SNTB1: variants seen among roughly 807,000 people sequenced by gnomAD.
The protein encoded by SNTB1 is beta-1-syntrophin.
Under a neutral mutation model 48.9 loss-of-function variants are expected in SNTB1, and 36 were observed. The ratio of observed to expected loss-of-function variants is 0.74; its 90% CI spans 0.56 to 0.97. The LOEUF (loss-of-function observed/expected upper bound fraction) is 0.97. Ranked by LOEUF, SNTB1 falls within the 50% of genes least tolerant of loss-of-function variation. The pLI, the probability that SNTB1 is intolerant of heterozygous loss-of-function variation, is 0.00. For synonymous variants in SNTB1, 299 were observed against 294.6 expected (o/e 1.01, Z -0.15); for missense variants, 786 against 703.4 (o/e 1.12, Z -1.33).
chr8:120,675,655 T>G (rs1817821931), intron 2 of SNTB1, among the ~76,000 whole-genome samples: 1 of 152,138 alleles, frequency 6.6e-6, no homozygotes, highest in African/African-American at 2.4e-5. Flanking sequence ...CCAACATAAT[T>G]GTGGGAAGGC....
At chr8:120,630,638 C>T (rs148869720) in intron 3 of SNTB1, among the ~76,000 whole-genome samples, 177 of 152,278 alleles carry the variant, frequency 1.2e-3, no homozygotes, top group Admixed American at 1.7e-3. Flanking sequence ...TCCTTCTCTT[C>T]TACAGTAAAT....
At chr8:120,723,169 T>A (rs1377091002) in intron 1 of SNTB1, among the ~76,000 whole-genome samples, 1 of 152,198 alleles carries the variant, frequency 6.6e-6, no homozygotes, top group Non-Finnish European at 1.5e-5. Flanking sequence ...CCTTCCAATC[T>A]GATTATCTAA....
At chr8:120,670,420 G>A (rs1385091363) in intron 2 of SNTB1, among the ~76,000 whole-genome samples, 1 of 152,108 alleles carries the variant, frequency 6.6e-6, no homozygotes, top group African/African-American at 2.4e-5. Flanking sequence ...CAACAACTCT[G>A]GTCTTGAAGG....
intron 1 of SNTB1, among the ~76,000 whole-genome samples, chr8:120,725,727 A>G (rs1818742359): frequency 6.6e-6 from 1 of 152,184 alleles, no homozygotes; most frequent in South Asian, 2.1e-4. Context: ...GAAGTGTTCC[A>G]CCATACACAA....
chr8:120,808,895 GT>G (rs1048117442), intron 1 of SNTB1, among the ~76,000 whole-genome samples: 3 of 152,050 alleles, frequency 2.0e-5, no homozygotes, highest in African/African-American at 7.2e-5. Context: ...AGGAATCTAG[GT>G]TTTTTTAAAA....
At chr8:120,676,452 C>CT (rs1266862617) in intron 2 of SNTB1, among the ~76,000 whole-genome samples, 1 of 152,148 alleles carries the variant, frequency 6.6e-6, no homozygotes, top group African/African-American at 2.4e-5. Context: ...GGATTCAAAC[C>CT]TAGGTCCATC....
intron 1 of SNTB1, among the ~76,000 whole-genome samples, chr8:120,729,890 G>A (rs932512102): frequency 6.6e-6 from 1 of 152,190 alleles, no homozygotes; most frequent in East Asian, 1.9e-4. Flanking sequence ...GTGTGAGTTA[G>A]TGTACCAAGA....
At chr8:120,702,853 T>A (rs1053694824) in intron 1 of SNTB1, among the ~76,000 whole-genome samples, 3 of 152,172 alleles carry the variant, frequency 2.0e-5, no homozygotes, top group African/African-American at 7.2e-5. Flanking sequence ...TTGGGAAAAT[T>A]TCCTTACCCT....
At chr8:120,663,680 G>A (rs1246891416) in intron 2 of SNTB1, among the ~76,000 whole-genome samples, 1 of 152,106 alleles carries the variant, frequency 6.6e-6, no homozygotes, top group Admixed American at 6.5e-5. Context: ...ACAGGAGGCA[G>A]CGTGAGGACC....
intron 1 of SNTB1, among the ~76,000 whole-genome samples, chr8:120,738,541 CTTCT>C (rs1818987615): frequency 7.5e-6 from 1 of 133,288 alleles, no homozygotes; most frequent in Non-Finnish European, 1.6e-5. Context: ...CCCTTCCTTC[CTTCT>C]TTCCTTCCTT....
chr8:120,748,416 G>T (rs1724422352), intron 1 of SNTB1, among the ~76,000 whole-genome samples: 1 of 152,100 alleles, frequency 6.6e-6, no homozygotes, highest in Admixed American at 6.6e-5. Flanking sequence ...CAATACAAAG[G>T]ATCTGTTTTC....
intron 2 of SNTB1, among the ~76,000 whole-genome samples, chr8:120,691,262 C>T (rs940525554): frequency 2.0e-5 from 3 of 152,170 alleles, no homozygotes; most frequent in Non-Finnish European, 4.4e-5. Flanking sequence ...ATTGCTCCTA[C>T]AATGTCTCAG....
intron 3 of SNTB1, among the ~76,000 whole-genome samples, chr8:120,605,505 T>C (rs575540792): frequency 7.2e-5 from 11 of 152,282 alleles, no homozygotes; most frequent in African/African-American, 2.6e-4. Flanking sequence ...ACACGTATCT[T>C]TGGTTAGTGT....
At chr8:120,753,379 C>A (rs1819255496) in intron 1 of SNTB1, among the ~76,000 whole-genome samples, 1 of 152,134 alleles carries the variant, frequency 6.6e-6, no homozygotes, top group Admixed American at 6.6e-5. Context: ...CTCCACCTCC[C>A]AGACTTGTAA....
intron 3 of SNTB1, among the ~76,000 whole-genome samples, chr8:120,575,970 C>T (rs532756370): frequency 2.6e-5 from 4 of 152,248 alleles, no homozygotes; most frequent in Non-Finnish European, 5.9e-5. Context: ...CCCAAACTTC[C>T]TATATGTTCC....
At chr8:120,756,490 C>A (rs1412492036) in intron 1 of SNTB1, among the ~76,000 whole-genome samples, 1 of 151,998 alleles carries the variant, frequency 6.6e-6, no homozygotes, top group Non-Finnish European at 1.5e-5. Flanking sequence ...GGGGAATTAA[C>A]CTGATCTGGA....
intron 3 of SNTB1, among the ~76,000 whole-genome samples, chr8:120,596,221 T>C (rs1457686964): frequency 3.3e-5 from 5 of 152,232 alleles, no homozygotes; most frequent in African/African-American, 1.2e-4. Context: ...CTACATAACA[T>C]GCATACATTA....
chr8:120,656,250 G>A (rs1817501172), intron 2 of SNTB1, among the ~76,000 whole-genome samples: 6 of 152,114 alleles, frequency 3.9e-5, no homozygotes, highest in Admixed American at 3.9e-4. Context: ...GAGGTGTTCT[G>A]CTATTTTTCA....
chr8:120,621,677 G>A (rs957093042), intron 3 of SNTB1, among the ~76,000 whole-genome samples: 2 of 152,180 alleles, frequency 1.3e-5, no homozygotes, highest in African/African-American at 4.8e-5. Flanking sequence ...TTTCAGAACA[G>A]AAGGAATGTG....
Sources: allele counts gnomAD v4.1 joint callset (sites outside exome capture counted in the v4.1 genomes callset), GRCh38; gene constraint gnomAD v4.1.1; transcripts MANE v1.5; gene names NCBI Gene and HGNC (gene_info 2026-07-23, HGNC 2026-07-21).